The following GLIPR1L1 variants were observed in gnomAD, a reference collection of about 807,000 sequenced individuals.
GLIPR1L1 encodes the protein GLIPR1 like 1.
In GLIPR1L1, 26 loss-of-function variants were observed where a neutral mutation model predicts 29.9. The ratio of observed to expected loss-of-function variants is 0.87; its 90% CI spans 0.64 to 1.21. The LOEUF (loss-of-function observed/expected upper bound fraction) is 1.21, where lower values mean the gene tolerates loss of function less well. GLIPR1L1 is among the 50% of genes most tolerant of loss of function. The pLI is 0.00. For missense variants in GLIPR1L1, 305 were observed against 290.3 expected (o/e 1.05, Z -0.37); for synonymous variants, 77 against 97.5 (o/e 0.79, Z 1.24).
chr12:75,346,378 T>C (rs911080411), intron 2 of GLIPR1L1, among the ~76,000 whole-genome samples: 2 of 152,132 alleles, frequency 1.3e-5, no homozygotes, highest in South Asian at 4.1e-4. Flanking sequence ...ACCACAAAGA[T>C]GGCTGAAAGC....
In GLIPR1L1 at chr12:75,358,733, T is replaced by C. The variant is rs948426007; in HGVS notation, c.522-4369T>C. The stretch of plus-strand genomic sequence containing the variant: ...TAAACCATATATATAATATATTATA[T>C]ATATGGTTTAAATATATATAATATA... On this transcript the variant is annotated intron_variant, in intron 3 of 5. Coordinates refer to ENST00000378695, the MANE Select transcript of GLIPR1L1 (RefSeq NM_001304964.2). 3.6e-4 allele frequency among the ~76,000 whole-genome samples: 53 copies of C among 145,684 alleles called. 1 individual carries two copies. Among genetic ancestry groups the C allele is most frequent in the East Asian group, 1.9e-4 (1 of 5,138 alleles).
chr12:75,353,840 C>T (rs561632244), intron 3 of GLIPR1L1, among the ~76,000 whole-genome samples: 25 of 152,250 alleles, frequency 1.6e-4, no homozygotes, highest in African/African-American at 5.1e-4. Flanking sequence ...GTTCAACATA[C>T]GCAAATCAAT....
intron 1 of GLIPR1L1, among the ~76,000 whole-genome samples, chr12:75,335,151 T>C (rs2041637588): frequency 1.3e-5 from 2 of 152,144 alleles, no homozygotes. Flanking sequence ...TGTTTGGAAG[T>C]TGCTTTGTTG....
At chr12:75,339,370 ATT>A (rs1329887977) in intron 1 of GLIPR1L1, among the ~76,000 whole-genome samples, 1 of 151,330 alleles carries the variant, frequency 6.6e-6, no homozygotes, top group Non-Finnish European at 1.5e-5. Context: ...GCTTTTTTTC[ATT>A]TGTTTTTTTG....
Position 75,370,153 on chromosome 12 carries a change from T to A in GLIPR1L1, c.706T>A (p.Phe236Ile). 6.3e-7 allele frequency: 1 copy of A among 1,582,652 alleles called. No individual in the cohort carries two copies. The highest frequency in any genetic ancestry group is 8.7e-7 in the Non-Finnish European group (1 of 1,153,448). ...QTAFNPFSLG[F>I]LLLRIF ...AGCCTTTAATCCATTCAGCTTAGGT[T>A]TTCTTCTTCTGAGAATCTTTTAATG... Residue 236 changes from phenylalanine (F) to isoleucine (I), a missense_variant, in exon 6 of 6, where the codon TTT becomes ATT. By Grantham distance (21) the Phe-to-Ile change is conservative. Transcript: ENST00000378695.
In GLIPR1L1 at chr12:75,366,785, C is replaced by G; in HGVS notation, c.611-3175C>G. Reference sequence around the variant, plus strand: ...CACGCTCTTATGTGTCTCAGTTTCTCTCTTCAGAGGTCTATCACCTCTGAG... The same window carrying G: ...CACGCTCTTATGTGTCTCAGTTTCTGTCTTCAGAGGTCTATCACCTCTGAG... On this transcript the variant is annotated intron_variant, in intron 4 of 5. Coordinates refer to ENST00000378695, the MANE Select transcript of GLIPR1L1 (RefSeq NM_001304964.2). 3 of 677,536 alleles carry G rather than the reference C, an allele frequency of 4.4e-6. No homozygotes were observed. In the East Asian group the frequency reaches 8.1e-5, roughly 18 times the overall value. 42.0% of individuals were successfully genotyped at this position (677,536 alleles called of 1,614,324 possible).
intron 2 of GLIPR1L1, among the ~76,000 whole-genome samples, chr12:75,345,922 A>G (rs2042412875): frequency 6.6e-6 from 1 of 152,216 alleles, no homozygotes; most frequent in African/African-American, 2.4e-5. Context: ...TAGTTTACAC[A>G]CAAGGTTAAG....
intron 1 of GLIPR1L1, among the ~76,000 whole-genome samples, chr12:75,336,641 A>G (rs1221222431): frequency 1.3e-5 from 2 of 151,834 alleles, no homozygotes; most frequent in Non-Finnish European, 3.0e-5. Flanking sequence ...GTAATAATAT[A>G]TTTTAATACA....
chr12:75,343,729 T>C lies in GLIPR1L1; in HGVS notation c.211T>C (p.Trp71Arg), dbSNP rs74498308. The C allele has an allele frequency of 1.2e-6, 2 of 1,611,956 alleles. No individual in the cohort carries two copies. Among genetic ancestry groups the C allele is most frequent in the Non-Finnish European group, 1.7e-6 (2 of 1,178,672 alleles). Residue 71 changes from tryptophan to arginine, a missense_variant, in exon 2 of 6, where the codon TGG becomes CGG. Trp to Arg is a moderately radical substitution (Grantham distance 101). Transcript: ENST00000378695. ...DKGLAKMAKA[W>R]ANQCKFEHND... ...AGGTTTAGCAAAGATGGCTAAAGCA[T>C]GGGCAAACCAGTGCAAATTTGAACA...
intron 4 of GLIPR1L1, among the ~76,000 whole-genome samples, chr12:75,363,986 T>C (rs1204163060): frequency 6.6e-6 from 1 of 152,188 alleles, no homozygotes. Context: ...GTTAAGTAAT[T>C]GTCTAAAGGC....
At chr12:75,352,516 AC>A (rs1180683156) in intron 3 of GLIPR1L1, among the ~76,000 whole-genome samples, 2 of 152,216 alleles carry the variant, frequency 1.3e-5, no homozygotes, top group Non-Finnish European at 2.9e-5. Flanking sequence ...GTTCTTAGAG[AC>A]CTACAAAGTG....
At chr12:75,357,229 C>A (rs530226762) in intron 3 of GLIPR1L1, among the ~76,000 whole-genome samples, 1 of 152,132 alleles carries the variant, frequency 6.6e-6, no homozygotes, top group African/African-American at 2.4e-5. Flanking sequence ...ACATTAGTAT[C>A]AGAAAATGTA....
chr12:75,366,106 T>C (rs1479520130), intron 4 of GLIPR1L1, among the ~76,000 whole-genome samples: 3 of 152,194 alleles, frequency 2.0e-5, no homozygotes, highest in Non-Finnish European at 4.4e-5. Flanking sequence ...ATTTAAGTCA[T>C]GTGAACTTGA....
At chr12:75,340,948 G>A (rs558901479) in intron 1 of GLIPR1L1, among the ~76,000 whole-genome samples, 1 of 152,008 alleles carries the variant, frequency 6.6e-6, no homozygotes, top group South Asian at 2.1e-4. Flanking sequence ...GTGAAGATAT[G>A]GAGAAAATTG....
chr12:75,343,246 T>A (rs916162659), intron 1 of GLIPR1L1, among the ~76,000 whole-genome samples: 7 of 152,238 alleles, frequency 4.6e-5, no homozygotes, highest in African/African-American at 1.7e-4. Flanking sequence ...CACCATTTGA[T>A]AAGATTTTTG....
rs2042500156 is a variant in GLIPR1L1 at position 75,347,043 on chromosome 12, C to G, written c.421-579C>G. Among the ~76,000 whole-genome samples the G allele has an allele frequency of 2.6e-5, 4 of 151,054 alleles. No homozygotes were observed. In the South Asian group the frequency reaches 8.4e-4, roughly 32 times the overall value. ...CTAGTTTTCCATAGAAGTCTTCTTCCTTTTGAATAACTTTGCTATTCTTTG... is the reference window on the plus strand; with the variant it reads ...CTAGTTTTCCATAGAAGTCTTCTTCGTTTTGAATAACTTTGCTATTCTTTG... On this transcript the variant is annotated intron_variant, in intron 2 of 5. Transcript: ENST00000378695.
At chr12:75,364,316 G>C (rs953700121) in intron 4 of GLIPR1L1, among the ~76,000 whole-genome samples, 2 of 152,180 alleles carry the variant, frequency 1.3e-5, no homozygotes, top group Admixed American at 1.3e-4. Flanking sequence ...CAGATGGTTG[G>C]GGGGCTTAGA....
chr12:75,341,021 A>T (rs886402989), intron 1 of GLIPR1L1, among the ~76,000 whole-genome samples: 1 of 151,422 alleles, frequency 6.6e-6, no homozygotes, highest in African/African-American at 2.4e-5. Context: ...ATAGTTTGGC[A>T]ATTTCTTACA....
At chr12:75,351,745 C>T (rs1404385092) in intron 3 of GLIPR1L1, among the ~76,000 whole-genome samples, 1 of 152,140 alleles carries the variant, frequency 6.6e-6, no homozygotes, top group East Asian at 1.9e-4. Context: ...CGGGGTTTTG[C>T]CATGTTGGCC....
Sources: allele counts gnomAD v4.1 joint callset (sites outside exome capture counted in the v4.1 genomes callset), GRCh38; gene constraint gnomAD v4.1.1; transcripts MANE v1.5; gene names NCBI Gene and HGNC (gene_info 2026-07-23, HGNC 2026-07-21).